RIPK1: variants seen among roughly 807,000 people sequenced by gnomAD.
RIPK1 encodes the protein receptor interacting serine/threonine kinase 1, also known as receptor-interacting serine/threonine-protein kinase 1.
Under a neutral mutation model 62.4 loss-of-function variants are expected in RIPK1, and 27 were observed. The observed-to-expected ratio is 0.43, with a 90% CI of 0.32 to 0.60. The LOEUF (loss-of-function observed/expected upper bound fraction) is 0.60, where lower values mean the gene tolerates loss of function less well. Among genes scored for constraint, RIPK1 ranks in the 20% least tolerant of loss-of-function variants. RIPK1 has a pLI of 0.07. For synonymous variants in RIPK1, 287 were observed against 303.2 expected (o/e 0.95, Z 0.55); for missense variants, 735 against 831.0 (o/e 0.88, Z 1.42).
At chr6:3,083,353 T>G in intron 5 of RIPK1, 40 bp downstream of exon 5, 1 of 1,535,720 alleles carries the variant, frequency 6.5e-7, no homozygotes, top group Non-Finnish European at 8.8e-7. Flanking sequence ...CCCCTCAGCA[T>G]CTACACGCAC....
At chr6:3,111,511 C>CT (rs563970364) in intron 10 of RIPK1, among the ~76,000 whole-genome samples, 1,609 of 136,580 alleles carry the variant, frequency 0.012, 22 homozygotes, top group African/African-American at 0.031. Context: ...GGGATTGGCG[C>CT]TTTTTTTTTT....
Position 3,105,664 on chromosome 6 carries a change from C to T in RIPK1, c.1189C>T (p.Gln397Ter). 6.2e-7 allele frequency: 1 copy of T among 1,613,984 alleles called. No individual in the cohort carries two copies. The highest frequency in any genetic ancestry group is 8.5e-7 in the Non-Finnish European group (1 of 1,179,930). The change falls in exon 9 of 11, where the codon CAG becomes TAG. Residue 397 changes from glutamine to a stop codon, truncating the protein, a stop_gained. Transcript: ENST00000259808. LOFTEE classifies it high-confidence loss of function. This position sits in a 1 kb window ranked among gnomAD's most constrained non-coding sequence, Gnocchi z 4.5. Reference sequence around the variant, plus strand: ...CAGCCGCATGGACAGGCAGACGAAACAGCAGCCCAGACAGAATGTGGCTTA... The same window carrying T: ...CAGCCGCATGGACAGGCAGACGAAATAGCAGCCCAGACAGAATGTGGCTTA... ...YGSRMDRQTK[Q>*]QPRQNVAYNR...
In RIPK1 at chr6:3,085,401, ATTTCCTGGTAAGAGCATCT is replaced by A; in HGVS notation, c.836_838+16del. ...AAGCGAATCCGGAAGCTCGGCCGACATTTCCTGGTAAGAGCATCTTTTCTGACTGTGTAGGATGCATCCT... is the reference window on the plus strand; with the variant it reads ...AAGCGAATCCGGAAGCTCGGCCGACATTTCTGACTGTGTAGGATGCATCCT... On this transcript the variant is annotated splice_donor_variant and splice_donor_5th_base_variant and coding_sequence_variant and intron_variant, in exon 6 of 11. Coordinates refer to ENST00000259808, the MANE Select transcript of RIPK1 (RefSeq NM_001354930.2). LOFTEE classifies it high-confidence loss of function. 6.2e-7 allele frequency: 1 copy of A among 1,614,168 alleles called. No individual in the cohort carries two copies. Among genetic ancestry groups the A allele is most frequent in the Middle Eastern group, 1.6e-4 (1 of 6,062 alleles).
At chr6:3,078,023 C>T (rs1023319456) in intron 3 of RIPK1, 88 bp downstream of exon 3, 28 of 1,401,592 alleles carry the variant, frequency 2.0e-5, no homozygotes, top group South Asian at 5.4e-5. Context: ...GTTTGCAGCT[C>T]GTTAGCATCA....
In RIPK1 at chr6:3,113,060, C is replaced by T; in HGVS notation, c.1737C>T (p.Thr579=). 3 of 1,545,758 alleles carry T rather than the reference C, an allele frequency of 1.9e-6. No homozygotes were observed. The highest frequency in any genetic ancestry group is 1.4e-5 in the African/African-American group (1 of 72,844). Residue 579 remains threonine (T), a synonymous_variant, in exon 11 of 11, where the codon ACC becomes ACT. Coordinates refer to ENST00000259808, the MANE Select transcript of RIPK1 (RefSeq NM_001354930.2). The surrounding 1 kb of genome is among the most constrained non-coding windows in gnomAD (Gnocchi z 5.0). ...CTTTTTCCCATTTGGCAGATAATAC[C>T]ACTAGTCTGACGGATAAACACCTGG... ...AAKYQAIFDN[T]TSLTDKHLDP...
At chr6:3,108,010 C>G (rs1340194141) in intron 9 of RIPK1, among the ~76,000 whole-genome samples, 1 of 151,608 alleles carries the variant, frequency 6.6e-6, no homozygotes, top group Non-Finnish European at 1.5e-5. Context: ...AATAAGTCTT[C>G]TGCTTGCTTT....
chr6:3,078,016 T>G, intron 3 of RIPK1, 81 bp downstream of exon 3: 1 of 1,444,064 alleles, frequency 6.9e-7, no homozygotes, highest in East Asian at 2.3e-5. Context: ...GGTGTTTGTT[T>G]GCAGCTCGTT....
intron 7 of RIPK1, among the ~76,000 whole-genome samples, chr6:3,097,031 C>T (rs1466483255): frequency 1.3e-5 from 2 of 152,006 alleles, no homozygotes; most frequent in South Asian, 2.1e-4. Flanking sequence ...CCACCATGCC[C>T]GGCTAATTTT....
intron 5 of RIPK1, among the ~76,000 whole-genome samples, chr6:3,084,043 C>G (rs1048463819): frequency 6.6e-6 from 1 of 152,142 alleles, no homozygotes; most frequent in African/African-American, 2.4e-5. Context: ...CCTTGCCCCT[C>G]TCTCCCACAT....
At position 3,072,779 on chromosome 6, in the gene RIPK1, A is replaced by C. The variant is rs1758796600; in HGVS notation, c.-60-3985A>C. On this transcript the variant is annotated intron_variant, in intron 1 of 10. Transcript: ENST00000259808. This position sits in a 1 kb window ranked among gnomAD's most constrained non-coding sequence, Gnocchi z 5.6. Reference sequence around the variant, plus strand: ...CCTAACCAGGCAAGAAGTTGGAAGAATATGGCCTAAGAGGGTGGGGCGGAT... The same window carrying C: ...CCTAACCAGGCAAGAAGTTGGAAGACTATGGCCTAAGAGGGTGGGGCGGAT... Among the ~76,000 whole-genome samples, 1 of 152,214 alleles carries C rather than the reference A, an allele frequency of 6.6e-6. No individual in the cohort carries two copies. The highest frequency in any genetic ancestry group is 2.1e-4 in the South Asian group (1 of 4,836).
chr6:3,068,781 G>A lies in RIPK1; in HGVS notation c.-61+120G>A, dbSNP rs1345222358. 1.5e-5 allele frequency: 8 copies of A among 518,642 alleles called. No individual in the cohort carries two copies. The Admixed American group carries it at 4.5e-4, about 29-fold the overall frequency. 32.1% of individuals were successfully genotyped at this position (518,642 alleles called of 1,614,324 possible). A position where few individuals can be genotyped will look rare whatever the true frequency, so the allele number is the denominator to read the frequency against. ...CACGCCCGGGCAAGGCTGCCGCGGC[G>A]TCGGAGTAATCCCCAACCCTCCGCC... On this transcript the variant is annotated intron_variant, in intron 1 of 10. Transcript: ENST00000259808.
In RIPK1 at chr6:3,105,976, C is replaced by T. The variant is rs376022094; in HGVS notation, c.1501C>T (p.His501Tyr). 36 of 1,613,988 alleles carry T rather than the reference C, an allele frequency of 2.2e-5. No individual in the cohort carries two copies. Among genetic ancestry groups the T allele is most frequent in the Non-Finnish European group, 2.9e-5 (34 of 1,179,950 alleles). Residue 501 changes from histidine to tyrosine, a missense_variant, in exon 9 of 11, where the codon CAT becomes TAT. Coordinates refer to ENST00000259808, the MANE Select transcript of RIPK1 (RefSeq NM_001354930.2). The surrounding 1 kb of genome is among the most constrained non-coding windows in gnomAD (Gnocchi z 4.5). ...RPIPSHMPSL[H>Y]NIPVPETNYL... ...AATTCCAAGTCATATGCCTAGTCTGCATAATATCCCAGTGCCTGAGACCAA... is the reference window on the plus strand; with the variant it reads ...AATTCCAAGTCATATGCCTAGTCTGTATAATATCCCAGTGCCTGAGACCAA...
At chr6:3,081,206 A>G in intron 4 of RIPK1, 90 bp downstream of exon 4, 1 of 1,443,466 alleles carries the variant, frequency 6.9e-7, no homozygotes, top group Non-Finnish European at 9.5e-7. Context: ...TGGAGAAGCT[A>G]AAGGAAGACC....
rs368141363 is a variant in RIPK1 at position 3,101,515 on chromosome 6, A to AT, written c.916-2708dup. ...TAGAATGCTACAAAGTGTGAACATAATTAATACCCTCTGTCATTCTCCCCT... is the reference window on the plus strand; with the variant it reads ...TAGAATGCTACAAAGTGTGAACATAATTTAATACCCTCTGTCATTCTCCCCT... On this transcript the variant is annotated intron_variant, in intron 7 of 10. Transcript: ENST00000259808. Among the ~76,000 whole-genome samples the AT allele has an allele frequency of 5.1e-3, 770 of 152,300 alleles. 4 individuals are homozygous for AT. The highest frequency in any genetic ancestry group is 0.017 in the African/African-American group (701 of 41,560).
rs563539593 is a variant in RIPK1, at chr6:3,073,297, T to A, written c.-60-3467T>A. On this transcript the variant is annotated intron_variant, in intron 1 of 10. Coordinates refer to ENST00000259808, the MANE Select transcript of RIPK1 (RefSeq NM_001354930.2). ...ATACAAATATATGTATATTTATACGTATACATACATGAACGTATACTTTTT... is the reference window on the plus strand; with the variant it reads ...ATACAAATATATGTATATTTATACGAATACATACATGAACGTATACTTTTT... Among the ~76,000 whole-genome samples the A allele has an allele frequency of 3.4e-4, 52 of 151,834 alleles. 2 individuals carry two copies. In the South Asian group the frequency reaches 9.3e-3, roughly 27 times the overall value.
At chr6:3,081,598 C>T (rs545492009) in intron 4 of RIPK1, among the ~76,000 whole-genome samples, 4 of 152,168 alleles carry the variant, frequency 2.6e-5, no homozygotes, top group African/African-American at 4.8e-5. Flanking sequence ...CAGTGGCCCA[C>T]GCCTGTTATC....
In RIPK1 at chr6:3,114,296, G is replaced by A. The variant is rs991773367; in HGVS notation, c.*957G>A. 2.0e-5 allele frequency: 3 copies of A among 152,220 alleles called. No homozygotes were observed. Among genetic ancestry groups the A allele is most frequent in the Admixed American group, 1.3e-4 (2 of 15,284 alleles). 9.4% of individuals were successfully genotyped at this position (152,220 alleles called of 1,614,324 possible). A position where few individuals can be genotyped will look rare whatever the true frequency, so the allele number is the denominator to read the frequency against. On this transcript the variant is annotated 3_prime_UTR_variant, in exon 11 of 11. Transcript: ENST00000259808. The surrounding 1 kb of genome is among the most constrained non-coding windows in gnomAD (Gnocchi z 5.0). ...AGAACCTCAGGGCTGATACTGTTGA[G>A]TGGCTTCCTCGGTTTACTCTGTGTA... is the stretch of plus-strand genomic sequence containing the variant.
At chr6:3,068,467 G>A (rs1173782458), upstream of RIPK1, 10 of 985,210 alleles carry the variant, frequency 1.0e-5, no homozygotes, top group African/African-American at 7.0e-5. Flanking sequence ...GGCAAGGGCC[G>A]GGGCAGGGGG....
intron 6 of RIPK1, 55 bp downstream of exon 6, chr6:3,085,463 G>C: frequency 6.4e-7 from 1 of 1,573,676 alleles, no homozygotes; most frequent in Non-Finnish European, 8.7e-7. Context: ...GATTTTCCTA[G>C]TAACATATTG....
Sources: gnomAD v4.1 joint callset for allele counts (sites outside exome capture counted in the v4.1 genomes callset) on GRCh38, gnomAD v4.1.1 for gene constraint, Gnocchi (gnomAD v3.1) non-coding constraint, MANE v1.5 for transcripts, NCBI Gene and HGNC (gene_info 2026-07-23, HGNC 2026-07-21) for gene names.